Variants in KLC4 observed in about 807,000 individuals in gnomAD.
KLC4 encodes the protein kinesin-like protein 8.
In KLC4, 49 loss-of-function variants were observed where a neutral mutation model predicts 77.2. That is an observed-to-expected ratio of 0.63 (90% CI 0.50 to 0.80). KLC4 has a LOEUF of 0.80. Ranked by LOEUF, KLC4 falls within the 30% of genes least tolerant of loss-of-function variation. KLC4 has a pLI of 0.00. For synonymous variants in KLC4, 274 were observed against 314.5 expected (o/e 0.87, Z 1.36); for missense variants, 669 against 793.5 (o/e 0.84, Z 1.89).
At position 43,061,443 on chromosome 6, in the gene KLC4, A is replaced by C; in HGVS notation, c.108A>C (p.Leu36=). Residue 36 remains leucine, a synonymous_variant, in exon 2 of 16, where the codon CTA becomes CTC. Coordinates refer to ENST00000347162, the MANE Select transcript of KLC4 (RefSeq NM_201521.3). ...TRLVSQGLEA[L]RSEHQAVLQS... ...TGGTCAGCCAAGGGCTAGAGGCCCTACGCAGTGAACACCAGGCCGTGCTGC... is the reference window on the plus strand; with the variant it reads ...TGGTCAGCCAAGGGCTAGAGGCCCTCCGCAGTGAACACCAGGCCGTGCTGC... The C allele has an allele frequency of 1.2e-6, 2 of 1,614,216 alleles. No homozygotes were observed. Among genetic ancestry groups the C allele is most frequent in the Non-Finnish European group, 1.7e-6 (2 of 1,180,032 alleles).
intron 4 of KLC4, 22 bp downstream of exon 4, chr6:43,065,723 G>A (rs909115166): frequency 4.2e-5 from 67 of 1,579,604 alleles, no homozygotes; most frequent in Non-Finnish European, 5.7e-5. Context: ...TCTGGAATGG[G>A]AGGGTGAAAA....
At chr6:43,070,619 C>G in intron 7 of KLC4, 73 bp from the exon 8 acceptor site, 1 of 1,501,042 alleles carries the variant, frequency 6.7e-7, no homozygotes, top group Non-Finnish European at 9.2e-7. Context: ...TGTGTGCCTA[C>G]ATGCAAACAC....
chr6:43,067,279 T>C, intron 6 of KLC4, 196 bp downstream of exon 6: 1 of 1,225,974 alleles, frequency 8.2e-7, no homozygotes, highest in Middle Eastern at 3.0e-4. Flanking sequence ...CAGTGACTCC[T>C]TTTTATAACA....
At chr6:43,061,676 T>G in intron 2 of KLC4, 83 bp downstream of exon 2, 2 of 1,364,572 alleles carry the variant, frequency 1.5e-6, no homozygotes. Flanking sequence ...CTGCTTGGGA[T>G]CACCTCACTC....
At chr6:43,071,773 C>G in intron 10 of KLC4, 79 bp from the exon 11 acceptor site, 1 of 1,518,996 alleles carries the variant, frequency 6.6e-7, no homozygotes, top group South Asian at 1.2e-5. Flanking sequence ...TAGCCCCATG[C>G]CACCTTGCAT....
Position 43,067,187 on chromosome 6 carries a change from G to A in KLC4, c.879+104G>A, listed in dbSNP as rs1313237496. ...CTGCTGCCCTCAGTCCACTCACTAA[G>A]GGTGCTGAGGAAGGAGGCATAAGAA... On this transcript the variant is annotated intron_variant, in intron 6 of 15. Coordinates refer to ENST00000347162, the MANE Select transcript of KLC4 (RefSeq NM_201521.3). 4 of 1,428,002 alleles carry A rather than the reference G, an allele frequency of 2.8e-6. No homozygotes were observed. In the East Asian group the frequency reaches 1.2e-4, roughly 41 times the overall value. The allele number at this position is 1,428,002 out of a possible 1,614,324, so 88.5% of individuals were successfully genotyped here.
chr6:43,066,350 G>C lies in KLC4; in HGVS notation c.616G>C (p.Glu206Gln). 1 of 1,614,202 alleles carries C rather than the reference G, an allele frequency of 6.2e-7. No individual in the cohort carries two copies. Among genetic ancestry groups the C allele is most frequent in the Non-Finnish European group, 8.5e-7 (1 of 1,180,040 alleles). ...GATAAQQGGY[E>Q]IPARLRTLHN... ...TACAGCAGCTCAGCAGGGTGGATAT[G>C]AGATCCCAGCAAGGTTGCGGACGTT... is the stretch of plus-strand genomic sequence containing the variant. The change falls in exon 5 of 16, where the codon GAG (glutamate) becomes CAG (glutamine). Residue 206 changes from glutamate to glutamine, a missense_variant. Transcript: ENST00000347162.
intron 13 of KLC4, 38 bp from the exon 14 acceptor site, chr6:43,073,185 G>A (rs1255232117): frequency 2.6e-6 from 4 of 1,549,992 alleles, no homozygotes; most frequent in Non-Finnish European, 3.6e-6. Flanking sequence ...ATCTGTGTGG[G>A]ATCCTTGTAG....
chr6:43,063,446 T>C (rs915080310), intron 3 of KLC4, among the ~76,000 whole-genome samples: 1 of 152,114 alleles, frequency 6.6e-6, no homozygotes, highest in Non-Finnish European at 1.5e-5. Flanking sequence ...GTGAGGGAGA[T>C]AGATAAGCAC....
intron 8 of KLC4, 28 bp from the exon 9 acceptor site, chr6:43,071,247 C>T (rs1219209198): frequency 3.7e-6 from 5 of 1,367,602 alleles, no homozygotes; most frequent in Non-Finnish European, 5.2e-6. Context: ...ATGTTTTGTT[C>T]CTGTATTTTT....
chr6:43,073,604 G>A, intron 14 of KLC4: 1 of 531,052 alleles, frequency 1.9e-6, no homozygotes, highest in Non-Finnish European at 3.4e-6. Flanking sequence ...CCAAGATCAT[G>A]CCATTGCACT....
chr6:43,074,437 T>G (rs899238670), intron 15 of KLC4, 185 bp from the exon 16 acceptor site: 1 of 604,200 alleles, frequency 1.7e-6, no homozygotes, highest in Admixed American at 2.9e-5. Flanking sequence ...TCCACCAGAT[T>G]GTGGCCTTCT....
intron 1 of KLC4, chr6:43,061,024 G>C: frequency 2.6e-6 from 1 of 384,832 alleles, no homozygotes; most frequent in South Asian, 3.9e-5. Flanking sequence ...CTGCTTTTTT[G>C]TTCTTTTCCT....
intron 14 of KLC4, 96 bp from the exon 15 acceptor site, chr6:43,073,806 T>C: frequency 9.8e-7 from 1 of 1,018,134 alleles, no homozygotes; most frequent in East Asian, 2.4e-5. Flanking sequence ...TTGGGTAGAA[T>C]GGGTGCCCCA....
At position 43,066,459 on chromosome 6, in the gene KLC4, A is replaced by G; in HGVS notation, c.725A>G (p.Glu242Gly). Residue 242 changes from glutamate (E) to glycine (G), a missense_variant, in exon 5 of 16, where the codon GAG becomes GGG. Physicochemically the swap from Glu to Gly is moderately conservative, Grantham distance 98. Coordinates refer to ENST00000347162, the MANE Select transcript of KLC4 (RefSeq NM_201521.3). The part of the protein sequence containing the change: ...PLCKQALEDL[E>G]RTSGRGHPDV... ...TGTAAGCAGGCACTAGAGGACCTGGAGCGCACATCAGGCCGTGGCCACCCT... is the reference window on the plus strand; with the variant it reads ...TGTAAGCAGGCACTAGAGGACCTGGGGCGCACATCAGGCCGTGGCCACCCT... 1 of 1,614,146 alleles carries G rather than the reference A, an allele frequency of 6.2e-7. No homozygotes were observed. Among genetic ancestry groups the G allele is most frequent in the Non-Finnish European group, 8.5e-7 (1 of 1,180,016 alleles).
rs553693722 is a variant in KLC4, at chr6:43,068,879, G to A, written c.880-1475G>A. Among the ~76,000 whole-genome samples the A allele has an allele frequency of 1.2e-3, 187 of 150,426 alleles. 1 individual carries two copies. Among genetic ancestry groups the A allele is most frequent in the Middle Eastern group, 3.5e-3 (1 of 282 alleles). Reference sequence around the variant, plus strand: ...TTTCAGCACTTTGGGAGGCCGAGGTGGTCGGATCACCTGAGGTCAGGAGTT... The same window carrying A: ...TTTCAGCACTTTGGGAGGCCGAGGTAGTCGGATCACCTGAGGTCAGGAGTT... On this transcript the variant is annotated intron_variant, in intron 6 of 15. Transcript: ENST00000347162.
chr6:43,072,234 TGCCCTGCGGTCCCGGAGACAGGTCAG>T lies in KLC4; in HGVS notation c.1468_1488+5del, dbSNP rs1263177517. Reference sequence around the variant, plus strand: ...AGGCTGCTGAGACCCTGGAGGAATGTGCCCTGCGGTCCCGGAGACAGGTCAGAAGCCCAGAGGGGAAGGAGGTCCTA... The same window carrying T: ...AGGCTGCTGAGACCCTGGAGGAATGTAAGCCCAGAGGGGAAGGAGGTCCTA... On this transcript the variant is annotated splice_donor_variant and splice_donor_5th_base_variant and coding_sequence_variant and intron_variant, in exon 12 of 16. Transcript: ENST00000347162. LOFTEE classifies it high-confidence loss of function. The T allele has an allele frequency of 1.2e-6, 2 of 1,613,914 alleles. No homozygotes were observed. The highest frequency in any genetic ancestry group is 1.7e-5 in the Admixed American group (1 of 59,986).
Position 43,072,148 on chromosome 6 carries a change from C to T in KLC4, c.1381C>T (p.Pro461Ser), listed in dbSNP as rs756222972. Reference protein sequence around the residue: ...GWYKACKVSSPTVNTTLRNLG... With the variant: ...GWYKACKVSSSTVNTTLRNLG... ...TCTCTGGTCTCTTTCTCACCACAGC[C>T]CCACAGTGAACACTACTCTGAGAAA... The change falls in exon 12 of 16, where the codon CCC becomes TCC. Residue 461 changes from proline to serine, a missense_variant and splice_region_variant. Physicochemically the swap from Pro to Ser is moderately conservative, Grantham distance 74. Coordinates refer to ENST00000347162, the MANE Select transcript of KLC4 (RefSeq NM_201521.3). 3.1e-6 allele frequency: 5 copies of T among 1,612,708 alleles called. No individual in the cohort carries two copies. In the Admixed American group the frequency reaches 6.7e-5, roughly 22 times the overall value.
rs146957924 is a variant in KLC4, at chr6:43,071,599, G to A, written c.1288G>A (p.Glu430Lys). 629 of 1,613,666 alleles carry A rather than the reference G, an allele frequency of 3.9e-4. 6 individuals carry two copies. Among genetic ancestry groups the A allele is most frequent in the Admixed American group, 8.3e-5 (5 of 59,986 alleles). ...CAAGCCCATCTGGATGCATGCAGAG[G>A]AGCGGGAGGAAATGAGCAAAGTGAG... Reference protein sequence around the residue: ...DHKPIWMHAEEREEMSKSRHH... With the variant: ...DHKPIWMHAEKREEMSKSRHH... Residue 430 changes from glutamate to lysine, a missense_variant, in exon 10 of 16, where the codon GAG becomes AAG. Glu to Lys is a moderately conservative substitution (Grantham distance 56). Transcript: ENST00000347162.
Sources: gnomAD v4.1 joint callset for allele counts (sites outside exome capture counted in the v4.1 genomes callset) on GRCh38, gnomAD v4.1.1 for gene constraint, MANE v1.5 for transcripts, NCBI Gene and HGNC (gene_info 2026-07-23, HGNC 2026-07-21) for gene names.